Variants in HS6ST3 observed in about 807,000 individuals in gnomAD.
The protein encoded by HS6ST3 is heparan-sulfate 6-O-sulfotransferase 3.
A neutral mutation model predicts 36.7 loss-of-function variants in HS6ST3; 12 were observed. The observed-to-expected ratio is 0.33, with a 90% CI of 0.21 to 0.53. The LOEUF is 0.53. Ranked by LOEUF, HS6ST3 falls within the 20% of genes least tolerant of loss-of-function variation. The probability of loss-of-function intolerance (pLI) is 0.95; values close to 1 mark genes in which losing one functional copy is unlikely to be tolerated. For synonymous variants in HS6ST3, 240 were observed against 257.5 expected, an observed-to-expected ratio of 0.93 and a Z score of 0.65; for missense variants, 584 against 640.9, an observed-to-expected ratio of 0.91 and a Z score of 0.96.
chr13:96,466,559 G>A (rs757038643), intron 1 of HS6ST3, among the ~76,000 whole-genome samples: 1 of 152,066 alleles, frequency 6.6e-6, no homozygotes, highest in African/African-American at 2.4e-5. Context: ...TGTTTCACCT[G>A]GTATAATGTT....
intron 1 of HS6ST3, among the ~76,000 whole-genome samples, chr13:96,559,344 C>T (rs1354049929): frequency 2.6e-5 from 4 of 152,110 alleles, no homozygotes; most frequent in Non-Finnish European, 5.9e-5. Flanking sequence ...GTGTTGAACT[C>T]CTGGCCTCAA....
intron 1 of HS6ST3, among the ~76,000 whole-genome samples, chr13:96,571,271 A>G (rs1187623398): frequency 6.6e-6 from 1 of 152,188 alleles, no homozygotes; most frequent in Non-Finnish European, 1.5e-5. Context: ...CTATGGCCAG[A>G]CCATCCTGCA....
intron 1 of HS6ST3, among the ~76,000 whole-genome samples, chr13:96,306,953 G>A (rs1337355628): frequency 6.6e-6 from 1 of 152,182 alleles, no homozygotes; most frequent in Non-Finnish European, 1.5e-5. Flanking sequence ...ACAACAGATA[G>A]GCAACACTGA....
intron 1 of HS6ST3, among the ~76,000 whole-genome samples, chr13:96,506,177 A>G (rs937982620): frequency 6.6e-6 from 1 of 152,126 alleles, no homozygotes; most frequent in Non-Finnish European, 1.5e-5. Context: ...AAACCGCCGT[A>G]TAGTTGGCAG....
intron 1 of HS6ST3, among the ~76,000 whole-genome samples, chr13:96,431,923 C>T (rs997555308): frequency 2.6e-5 from 4 of 152,126 alleles, no homozygotes; most frequent in Admixed American, 6.5e-5. Context: ...TTTTCCAGAA[C>T]AAAGCATGGT....
intron 1 of HS6ST3, among the ~76,000 whole-genome samples, chr13:96,781,899 G>T (rs561570466): frequency 1.2e-4 from 19 of 152,212 alleles, no homozygotes; most frequent in South Asian, 1.2e-3. Context: ...TTATTAGTCG[G>T]TTGTCAAACC....
intron 1 of HS6ST3, among the ~76,000 whole-genome samples, chr13:96,399,858 T>G (rs2139456577): frequency 6.6e-6 from 1 of 152,386 alleles, no homozygotes; most frequent in African/African-American, 2.4e-5. Context: ...CAACTCATAA[T>G]GCCTACATTA....
intron 1 of HS6ST3, among the ~76,000 whole-genome samples, chr13:96,391,362 T>G (rs2055394305): frequency 3.9e-5 from 6 of 152,178 alleles, no homozygotes; most frequent in Admixed American, 3.9e-4. Context: ...ATACTAAGAT[T>G]TATTTGAAAC....
At chr13:96,735,226 A>G (rs913614450) in intron 1 of HS6ST3, among the ~76,000 whole-genome samples, 2 of 144,726 alleles carry the variant, frequency 1.4e-5, no homozygotes, top group African/African-American at 5.2e-5. Context: ...TCATCTAAAG[A>G]AAAAAAAAAA....
At chr13:96,243,478 C>T (rs909214647) in intron 1 of HS6ST3, among the ~76,000 whole-genome samples, 7 of 152,080 alleles carry the variant, frequency 4.6e-5, no homozygotes, top group Non-Finnish European at 8.8e-5. Flanking sequence ...TGTTAAACCA[C>T]CTTGATAATG....
chr13:96,484,519 C>A (rs954806105), intron 1 of HS6ST3, among the ~76,000 whole-genome samples: 2 of 152,112 alleles, frequency 1.3e-5, no homozygotes, highest in African/African-American at 4.8e-5. Context: ...TTATCCTTCC[C>A]CCGCCACCAA....
intron 1 of HS6ST3, among the ~76,000 whole-genome samples, chr13:96,291,341 T>C (rs1344134540): frequency 2.0e-5 from 3 of 152,152 alleles, no homozygotes. Flanking sequence ...GCTTGTTTAG[T>C]ATTGATGACA....
intron 1 of HS6ST3, among the ~76,000 whole-genome samples, chr13:96,275,871 G>C (rs1208989943): frequency 4.4e-5 from 4 of 90,664 alleles, no homozygotes; most frequent in Non-Finnish European, 9.4e-5. Flanking sequence ...TTTTTTTTTT[G>C]GTGGTGGTGG....
In HS6ST3 at chr13:96,185,794, A is replaced by G. The variant is rs77888734; in HGVS notation, c.707+94225A>G. On this transcript the variant is annotated intron_variant, in intron 1 of 1. Transcript: ENST00000376705. ...AAATAAAGGTACTTGAAATACTTCA[A>G]CGTTCGGAATTTCACTCTGTGTTTG... 9.7e-3 allele frequency among the ~76,000 whole-genome samples: 1,478 copies of G among 152,282 alleles called. 26 individuals carry two copies. The highest frequency in any genetic ancestry group is 0.034 in the African/African-American group (1,417 of 41,554).
At position 96,590,753 on chromosome 13, in the gene HS6ST3, G is replaced by T. The variant is rs147242069; in HGVS notation, c.708-241737G>T. Among the ~76,000 whole-genome samples the T allele has an allele frequency of 2.9e-3, 438 of 152,168 alleles. 2 individuals carry two copies. The highest frequency in any genetic ancestry group is 9.1e-3 in the African/African-American group (378 of 41,558). Reference sequence around the variant, plus strand: ...CCTATACTTGTGGGGTATTACTCAAGAAATCTTTACCTAGTCCAATGCCCT... The same window carrying T: ...CCTATACTTGTGGGGTATTACTCAATAAATCTTTACCTAGTCCAATGCCCT... On this transcript the variant is annotated intron_variant, in intron 1 of 1. Transcript: ENST00000376705.
chr13:96,727,219 T>G (rs1244354548), intron 1 of HS6ST3, among the ~76,000 whole-genome samples: 3 of 152,096 alleles, frequency 2.0e-5, no homozygotes, highest in Non-Finnish European at 4.4e-5. Flanking sequence ...GAGACCCTGG[T>G]TTTTTCATCT....
chr13:96,709,433 A>G (rs1875507893), intron 1 of HS6ST3, among the ~76,000 whole-genome samples: 1 of 152,190 alleles, frequency 6.6e-6, no homozygotes, highest in Admixed American at 6.5e-5. Flanking sequence ...CTTGCCCAAT[A>G]GTAAATGCTA....
intron 1 of HS6ST3, among the ~76,000 whole-genome samples, chr13:96,728,786 T>G (rs923375615): frequency 1.3e-5 from 2 of 152,156 alleles, no homozygotes; most frequent in African/African-American, 4.8e-5. Flanking sequence ...CCACAATTGT[T>G]TTTTTTCCTG....
At chr13:96,807,678 C>A (rs1019039880) in intron 1 of HS6ST3, among the ~76,000 whole-genome samples, 2 of 152,074 alleles carry the variant, frequency 1.3e-5, no homozygotes, top group African/African-American at 4.8e-5. Flanking sequence ...GTGAAGTGAG[C>A]ATCTGTATCA....
Sources: gnomAD v4.1 joint callset for allele counts (sites outside exome capture counted in the v4.1 genomes callset) on GRCh38, gnomAD v4.1.1 for gene constraint, MANE v1.5 for transcripts, NCBI Gene and HGNC (gene_info 2026-07-23, HGNC 2026-07-21) for gene names.